Variants in TNFSF4 observed in about 807,000 individuals in gnomAD.
TNFSF4 encodes TNF superfamily member 4.
In TNFSF4, 4 loss-of-function variants were observed where a neutral mutation model predicts 7.3. That is an observed-to-expected ratio of 0.55 (90% CI 0.27 to 1.25). The LOEUF is 1.25. TNFSF4 is among the 50% of genes most tolerant of loss of function. TNFSF4 has a pLI of 0.12. For missense variants in TNFSF4, 181 were observed against 208.8 expected, an observed-to-expected ratio of 0.87 and a Z score of 0.82; for synonymous variants, 76 against 83.7, an observed-to-expected ratio of 0.91 and a Z score of 0.50.
At chr1:173,336,044 T>C in the TNFSF4 span, among the ~76,000 whole-genome samples, 1 of 152,166 alleles carries the variant, frequency 6.6e-6, no homozygotes, top group African/African-American at 2.4e-5. Context: ...CCTGACCCCA[T>C]CATGTAGTTA....
chr1:173,232,680 G>C, the TNFSF4 span, among the ~76,000 whole-genome samples: 1 of 152,068 alleles, frequency 6.6e-6, no homozygotes, highest in East Asian at 1.9e-4. Flanking sequence ...TAGCATGAAG[G>C]GCTGTTGGAT....
At chr1:173,399,075 A>G in the TNFSF4 span, among the ~76,000 whole-genome samples, 1 of 152,170 alleles carries the variant, frequency 6.6e-6, no homozygotes, top group Admixed American at 6.5e-5. Flanking sequence ...GTGTTATCTG[A>G]CCCACCAAGC....
chr1:173,330,820 T>A, the TNFSF4 span, among the ~76,000 whole-genome samples: 5,330 of 152,084 alleles, frequency 0.035, 302 homozygotes, highest in African/African-American at 0.12. Flanking sequence ...TTTAGCAAAT[T>A]TTACTTCTTT....
the TNFSF4 span, among the ~76,000 whole-genome samples, chr1:173,404,044 T>C: frequency 0.68 from 103,453 of 152,116 alleles, 35,177 homozygotes; most frequent in African/African-American, 0.72. Context: ...TATATAAGGA[T>C]AGGCTCATTG....
chr1:173,445,063 T>C, the TNFSF4 span, among the ~76,000 whole-genome samples: 1 of 152,206 alleles, frequency 6.6e-6, no homozygotes, highest in African/African-American at 2.4e-5. Context: ...GTGTCAGTCA[T>C]TGTATCTTGA....
chr1:173,314,074 GTCA>G, the TNFSF4 span, among the ~76,000 whole-genome samples: 9 of 151,742 alleles, frequency 5.9e-5, no homozygotes, highest in East Asian at 1.6e-3. Flanking sequence ...ATATCCTACT[GTCA>G]TCTTTACATA....
chr1:173,344,583 C>A, the TNFSF4 span, among the ~76,000 whole-genome samples: 5 of 152,178 alleles, frequency 3.3e-5, no homozygotes, highest in African/African-American at 1.2e-4. Flanking sequence ...GGCAAGATTG[C>A]ACCATAAATC....
At chr1:173,322,589 A>G in the TNFSF4 span, among the ~76,000 whole-genome samples, 1 of 152,156 alleles carries the variant, frequency 6.6e-6, no homozygotes, top group Non-Finnish European at 1.5e-5. Context: ...AGGGCGAGGC[A>G]TTGCCTCACC....
chr1:173,359,437 TAAGA>T, the TNFSF4 span, among the ~76,000 whole-genome samples: 1 of 134,676 alleles, frequency 7.4e-6, no homozygotes, highest in Admixed American at 8.2e-5. Context: ...AGTCAGAGTC[TAAGA>T]GTTTTATATT....
intron 1 of TNFSF4, among the ~76,000 whole-genome samples, chr1:173,193,175 C>T (rs1351570195): frequency 6.6e-6 from 1 of 152,110 alleles, no homozygotes; most frequent in Non-Finnish European, 1.5e-5. Flanking sequence ...TTGGTCTACC[C>T]CCACACATAG....
the TNFSF4 span, among the ~76,000 whole-genome samples, chr1:173,324,479 C>T: frequency 6.6e-6 from 1 of 152,170 alleles, no homozygotes; most frequent in African/African-American, 2.4e-5. Context: ...AACCAGCGAA[C>T]ATCATAATAG....
chr1:173,234,663 A>G, the TNFSF4 span, among the ~76,000 whole-genome samples: 1 of 152,248 alleles, frequency 6.6e-6, no homozygotes, highest in Non-Finnish European at 1.5e-5. Context: ...ATGAAGCTGG[A>G]AACCATCATT....
At chr1:173,442,539 G>A in the TNFSF4 span, among the ~76,000 whole-genome samples, 6 of 111,058 alleles carry the variant, frequency 5.4e-5, no homozygotes, top group African/African-American at 1.4e-4. Flanking sequence ...TTGGTTTTTC[G>A]TTTTTGTTTT....
At chr1:173,223,894 A>G in the TNFSF4 span, among the ~76,000 whole-genome samples, 1 of 152,198 alleles carries the variant, frequency 6.6e-6, no homozygotes, top group Non-Finnish European at 1.5e-5. Context: ...AGAACGTGGG[A>G]CAGTTAATCC....
At chr1:173,188,299 A>G (rs1295508886) in intron 2 of TNFSF4, among the ~76,000 whole-genome samples, 7 of 152,268 alleles carry the variant, frequency 4.6e-5, no homozygotes, top group Non-Finnish European at 1.0e-4. Flanking sequence ...TGATTAGTAC[A>G]GAGACAAGCA....
the TNFSF4 span, among the ~76,000 whole-genome samples, chr1:173,346,126 A>T: frequency 3.2e-4 from 49 of 152,238 alleles, no homozygotes; most frequent in East Asian, 1.2e-3. Flanking sequence ...ACTGTGAGGG[A>T]GTTAGCTCAA....
the TNFSF4 span, among the ~76,000 whole-genome samples, chr1:173,394,327 A>G: frequency 1.3e-5 from 2 of 152,130 alleles, no homozygotes; most frequent in Admixed American, 6.6e-5. Context: ...TTAATATTGA[A>G]ATGATTGTTT....
the TNFSF4 span, among the ~76,000 whole-genome samples, chr1:173,436,833 G>A: frequency 5.8e-4 from 89 of 152,284 alleles, no homozygotes; most frequent in Middle Eastern, 0.014. Flanking sequence ...GTGTCCCAGC[G>A]CTGATGGCAT....
At chr1:173,326,713 T>C in the TNFSF4 span, among the ~76,000 whole-genome samples, 2 of 152,132 alleles carry the variant, frequency 1.3e-5, no homozygotes, top group Non-Finnish European at 2.9e-5. Context: ...AGCATTCTTA[T>C]ACACCAATAA....
Sources: gnomAD v4.1 joint callset for allele counts (sites outside exome capture counted in the v4.1 genomes callset) on GRCh38, gnomAD v4.1.1 for gene constraint, MANE v1.5 for transcripts, NCBI Gene and HGNC (gene_info 2026-07-23, HGNC 2026-07-21) for gene names.